Variants in KIF26B observed in about 807,000 individuals in gnomAD.
The protein encoded by KIF26B is kinesin family member 26B, also known as kinesin-like protein KIF26B.
KIF26B carries 63 observed loss-of-function variants against 151.2 expected under a neutral mutation model. The observed-to-expected ratio is 0.42, with a 90% CI of 0.34 to 0.51. KIF26B has a LOEUF of 0.51. KIF26B is among the 20% of genes least tolerant of loss of function. The pLI, the probability that KIF26B is intolerant of heterozygous loss-of-function variation, is 0.07. For synonymous variants in KIF26B, 1,357 were observed against 1,262.1 expected (o/e 1.08, Z -1.59); for missense variants, 2,813 against 2,913.6 (o/e 0.97, Z 0.79).
chr1:245,685,282 C>G (rs2044494875), intron 11 of KIF26B, 123 bp from the exon 12 acceptor site: 2 of 802,342 alleles, frequency 2.5e-6, no homozygotes, highest in East Asian at 5.4e-5. Flanking sequence ...GTGCGGGAGG[C>G]CAACGGGGGT....
At chr1:245,230,089 C>T (rs892721070) in intron 2 of KIF26B, among the ~76,000 whole-genome samples, 9 of 149,384 alleles carry the variant, frequency 6.0e-5, no homozygotes, top group South Asian at 4.3e-4. Flanking sequence ...GCCGAGATCG[C>T]GTTATTGCAC....
intron 2 of KIF26B, among the ~76,000 whole-genome samples, chr1:245,325,833 C>T (rs1671979552): frequency 4.6e-5 from 7 of 151,978 alleles, no homozygotes; most frequent in Admixed American, 4.6e-4. Flanking sequence ...GCGTGTGTGG[C>T]GGAGGGGGGG....
rs567573827 is a variant in KIF26B, at chr1:245,686,083, G to A, written c.3100G>A (p.Ala1034Thr). The A allele has an allele frequency of 3.7e-5, 60 of 1,602,604 alleles. No homozygotes were observed. The highest frequency in any genetic ancestry group is 2.3e-4 in the South Asian group (21 of 89,868). The change falls in exon 12 of 15, where the codon GCC becomes ACC. Residue 1034 changes from alanine (A) to threonine (T), a missense_variant. Transcript: ENST00000407071. The surrounding 1 kb of genome is among the most constrained non-coding windows in gnomAD (Gnocchi z 5.6). Reference protein sequence around the residue: ...SVPGSSSQHSASPLVQSPSLQ... With the variant: ...SVPGSSSQHSTSPLVQSPSLQ... ...CCCGGGCAGCAGTAGCCAGCACAGC[G>A]CCTCCCCACTCGTGCAGAGCCCCAG...
rs541489296 is a variant in KIF26B, at chr1:245,181,504, G to A, written c.465+24821G>A. Among the ~76,000 whole-genome samples, 7 of 133,224 alleles carry A rather than the reference G, an allele frequency of 5.3e-5. No individual in the cohort carries two copies. In the South Asian group the frequency reaches 1.1e-3, roughly 21 times the overall value. 87.4% of individuals were successfully genotyped at this position (133,224 alleles called of 152,430 possible). A position where few individuals can be genotyped will look rare whatever the true frequency, so the allele number is the denominator to read the frequency against. ...TCAGGAGAATTCAGGAGAGAAAAAC[G>A]TAGTAAAGTTAAAAAAAAAAAAGCC... On this transcript the variant is annotated intron_variant, in intron 2 of 14. Coordinates refer to ENST00000407071, the MANE Select transcript of KIF26B (RefSeq NM_018012.4).
Position 245,239,285 on chromosome 1 carries a change from A to G in KIF26B, c.465+82602A>G, listed in dbSNP as rs1452313056. Among the ~76,000 whole-genome samples, 1 of 152,202 alleles carries G rather than the reference A, an allele frequency of 6.6e-6. No individual in the cohort carries two copies. The highest frequency in any genetic ancestry group is 1.5e-5 in the Non-Finnish European group (1 of 68,036). ...AATGATGATGTTGCACAAGGCGAAG[A>G]AGCAGATATTGACATGAGGCCAATA... On this transcript the variant is annotated intron_variant, in intron 2 of 14. Transcript: ENST00000407071. The surrounding 1 kb of genome is among the most constrained non-coding windows in gnomAD (Gnocchi z 4.3).
At chr1:245,634,460 A>C (rs2043813804) in intron 9 of KIF26B, among the ~76,000 whole-genome samples, 1 of 152,172 alleles carries the variant, frequency 6.6e-6, no homozygotes, top group African/African-American at 2.4e-5. Flanking sequence ...TGTTAGCTTT[A>C]GTTTTTAGTA....
At chr1:245,212,928 G>A (rs371927582) in intron 2 of KIF26B, among the ~76,000 whole-genome samples, 1 of 152,324 alleles carries the variant, frequency 6.6e-6, no homozygotes, top group East Asian at 1.9e-4. Context: ...GTTCTCCCTG[G>A]CGCTAACACT....
rs902817407 is a variant in KIF26B, at chr1:245,597,267, C to G, written c.1351-5310C>G. Among the ~76,000 whole-genome samples the G allele has an allele frequency of 6.6e-6, 1 of 152,170 alleles. No homozygotes were observed. Among genetic ancestry groups the G allele is most frequent in the Non-Finnish European group, 1.5e-5 (1 of 68,050 alleles). ...GGTATCTTTGTGCAGTGGGCTGGTA[C>G]CAGTTGATCCTTTCCATGTTTAGTG... On this transcript the variant is annotated intron_variant, in intron 5 of 14. Coordinates refer to ENST00000407071, the MANE Select transcript of KIF26B (RefSeq NM_018012.4). The surrounding 1 kb of genome is among the most constrained non-coding windows in gnomAD (Gnocchi z 4.6).
intron 2 of KIF26B, among the ~76,000 whole-genome samples, chr1:245,184,446 G>A (rs975086554): frequency 1.3e-4 from 20 of 152,074 alleles, no homozygotes; most frequent in African/African-American, 2.2e-4. Context: ...ACACATGTGC[G>A]TCGTCATCTG....
At chr1:245,350,137 C>T (rs530369808) in intron 2 of KIF26B, among the ~76,000 whole-genome samples, 8 of 152,056 alleles carry the variant, frequency 5.3e-5, no homozygotes, top group African/African-American at 1.7e-4. Context: ...TGGAGTTGTC[C>T]GGGTTGGTGG....
At chr1:245,471,917 G>A (rs1009295872) in intron 4 of KIF26B, among the ~76,000 whole-genome samples, 3 of 151,738 alleles carry the variant, frequency 2.0e-5, no homozygotes, top group Non-Finnish European at 4.4e-5. Flanking sequence ...TCAGCCTCCC[G>A]AGTAGCTGAG....
chr1:245,533,369 T>G (rs1661417445), intron 4 of KIF26B, among the ~76,000 whole-genome samples: 3 of 152,166 alleles, frequency 2.0e-5, no homozygotes, highest in Non-Finnish European at 4.4e-5. Flanking sequence ...AGTTGATATC[T>G]CACCCATCAA....
At chr1:245,190,629 G>GTTTTTTTTTTTTTTTTTTTTTTTTTTTTT (rs768099890) in intron 2 of KIF26B, among the ~76,000 whole-genome samples, 2 of 80,080 alleles carry the variant, frequency 2.5e-5, no homozygotes, top group Admixed American at 1.6e-4. Context: ...TTCCCTGAAT[G>GTTTTTTTTTTTTTTTTTTTTTTTTTTTTT]TTTTGTTTTG....
chr1:245,520,336 T>A (rs529172196), intron 4 of KIF26B, among the ~76,000 whole-genome samples: 64 of 152,328 alleles, frequency 4.2e-4, no homozygotes, highest in African/African-American at 1.5e-3. Context: ...TCCCAGAGGC[T>A]TGGGAAAACA....
chr1:245,604,511 G>T (rs2043429260), intron 6 of KIF26B, among the ~76,000 whole-genome samples: 2 of 152,132 alleles, frequency 1.3e-5, no homozygotes. Flanking sequence ...CACCCAATGG[G>T]CTCAGTAATT....
intron 2 of KIF26B, among the ~76,000 whole-genome samples, chr1:245,199,258 C>T (rs369131305): frequency 3.3e-5 from 5 of 151,990 alleles, no homozygotes; most frequent in Non-Finnish European, 7.4e-5. Flanking sequence ...AGGGTGCCCT[C>T]GTACCAACAG....
At chr1:245,507,216 T>C (rs1034226348) in intron 4 of KIF26B, among the ~76,000 whole-genome samples, 5 of 152,048 alleles carry the variant, frequency 3.3e-5, no homozygotes, top group Non-Finnish European at 7.4e-5. Context: ...TGGTAATAAG[T>C]CTGGAAACAG....
intron 4 of KIF26B, among the ~76,000 whole-genome samples, chr1:245,486,772 G>A (rs1207053741): frequency 6.6e-6 from 1 of 152,138 alleles, no homozygotes; most frequent in Non-Finnish European, 1.5e-5. Flanking sequence ...CCAGGCTCAA[G>A]CCATCCTCTC....
intron 3 of KIF26B, among the ~76,000 whole-genome samples, chr1:245,388,063 T>C (rs1673596152): frequency 6.6e-6 from 1 of 152,164 alleles, no homozygotes; most frequent in Admixed American, 6.5e-5. Context: ...CCCTGGTGGC[T>C]CATCTCTGGG....
Sources: allele counts gnomAD v4.1 joint callset (sites outside exome capture counted in the v4.1 genomes callset), GRCh38; gene constraint gnomAD v4.1.1; non-coding constraint Gnocchi (gnomAD v3.1); transcripts MANE v1.5; gene names NCBI Gene and HGNC (gene_info 2026-07-23, HGNC 2026-07-21).